Variants in ROBO2 observed in about 807,000 individuals in gnomAD.
ROBO2 encodes the protein roundabout guidance receptor 2.
ROBO2 carries 53 observed loss-of-function variants against 160.8 expected under a neutral mutation model. The ratio of observed to expected loss-of-function variants is 0.33; its 90% CI spans 0.26 to 0.41. The LOEUF (loss-of-function observed/expected upper bound fraction) is 0.41. Among genes scored for constraint, ROBO2 ranks in the 10% least tolerant of loss-of-function variants. ROBO2 has a pLI of 1.00. For missense variants in ROBO2, 1,577 were observed against 1,722.4 expected (o/e 0.92, Z 1.49); for synonymous variants, 664 against 611.7 (o/e 1.09, Z -1.26).
intron 22 of ROBO2, among the ~76,000 whole-genome samples, chr3:77,620,736 G>T (rs2094883553): frequency 6.6e-6 from 1 of 152,304 alleles, no homozygotes; most frequent in African/African-American, 2.4e-5. Context: ...CAAGAAGCCA[G>T]TTGGGAGAGG....
intron 5 of ROBO2, among the ~76,000 whole-genome samples, chr3:77,517,928 T>C (rs1374200967): frequency 2.0e-5 from 3 of 151,538 alleles, no homozygotes; most frequent in African/African-American, 7.3e-5. Context: ...TTCAGGCATC[T>C]ACTAAGAGTC....
chr3:76,577,322 A>G (rs1376293776), intron 2 of ROBO2, among the ~76,000 whole-genome samples: 1 of 152,072 alleles, frequency 6.6e-6, no homozygotes, highest in Non-Finnish European at 1.5e-5. Context: ...TTTATCCTCC[A>G]TACCCAGCTC....
At chr3:76,836,668 CA>C (rs2067720852) in intron 2 of ROBO2, among the ~76,000 whole-genome samples, 1 of 151,392 alleles carries the variant, frequency 6.6e-6, no homozygotes, top group African/African-American at 2.4e-5. Context: ...ATTTAATTTT[CA>C]AATATTTGGG....
chr3:77,560,744 A>G (rs1032715272), intron 9 of ROBO2, among the ~76,000 whole-genome samples: 4 of 152,170 alleles, frequency 2.6e-5, no homozygotes, highest in Non-Finnish European at 5.9e-5. Context: ...TCATACTTGT[A>G]TCTCCACACA....
chr3:76,435,955 C>G (rs1463462522), intron 2 of ROBO2, among the ~76,000 whole-genome samples: 2 of 152,102 alleles, frequency 1.3e-5, no homozygotes, highest in African/African-American at 4.8e-5. Flanking sequence ...ATCTAGCATT[C>G]CATGCAAAAT....
chr3:77,375,253 C>T (rs1355671565), intron 2 of ROBO2, among the ~76,000 whole-genome samples: 1 of 152,158 alleles, frequency 6.6e-6, no homozygotes, highest in Non-Finnish European at 1.5e-5. Context: ...TTTCTTGGAG[C>T]CTCTTGTCAT....
At chr3:75,992,276 T>C (rs1322775275) in intron 2 of ROBO2, among the ~76,000 whole-genome samples, 2 of 152,032 alleles carry the variant, frequency 1.3e-5, no homozygotes, top group African/African-American at 4.8e-5. Context: ...AAAAAATGGT[T>C]TCATGGGTGG....
At position 77,066,511 on chromosome 3, in the gene ROBO2, T is replaced by C. The variant is rs149139782; in HGVS notation, c.61+25665T>C. ...TGTGTTATCAATTAGAAAAATTTTG[T>C]TAGACAGCAATCTCTATGTGAAAAA... is the stretch of plus-strand genomic sequence containing the variant. On this transcript the variant is annotated intron_variant, in intron 1 of 25. Transcript: ENST00000461745. Among the ~76,000 whole-genome samples the C allele has an allele frequency of 2.4e-3, 367 of 152,220 alleles. 2 individuals are homozygous for C. Among genetic ancestry groups the C allele is most frequent in the Non-Finnish European group, 3.4e-3 (228 of 67,982 alleles).
intron 2 of ROBO2, among the ~76,000 whole-genome samples, chr3:76,979,593 G>T (rs944806752): frequency 1.2e-4 from 18 of 147,826 alleles, no homozygotes; most frequent in African/African-American, 3.7e-4. Flanking sequence ...GTGTGTGTGT[G>T]GTGTGTGTGT....
At chr3:76,313,054 A>T (rs190321765) in intron 2 of ROBO2, among the ~76,000 whole-genome samples, 3 of 152,372 alleles carry the variant, frequency 2.0e-5, no homozygotes, top group African/African-American at 7.2e-5. Context: ...CTGCTGTGTG[A>T]TGATGATACA....
intron 21 of ROBO2, among the ~76,000 whole-genome samples, chr3:77,615,816 A>G (rs1156529707): frequency 1.3e-5 from 2 of 152,236 alleles, no homozygotes; most frequent in Non-Finnish European, 2.9e-5. Flanking sequence ...AAGTTTTATG[A>G]TAAATTCAGC....
intron 23 of ROBO2, 49 bp from the exon 25 acceptor site, chr3:77,634,821 G>A (rs1230565585): frequency 1.9e-6 from 3 of 1,550,926 alleles, no homozygotes; most frequent in Non-Finnish European, 2.7e-6. Context: ...CAGAATCAGT[G>A]TGCTATAATG....
intron 2 of ROBO2, among the ~76,000 whole-genome samples, chr3:77,154,567 A>C (rs2077822732): frequency 6.6e-6 from 1 of 152,086 alleles, no homozygotes. Context: ...AGGCGCATGC[A>C]CTGGCAAGTT....
At position 77,283,525 on chromosome 3, in the gene ROBO2, A is replaced by G. The variant is rs148391655; in HGVS notation, c.388+185185A>G. On this transcript the variant is annotated intron_variant, in intron 2 of 25. Transcript: ENST00000461745. ...AAGGCACATTTTTATCTCTAAAATA[A>G]GAGTATACATACCAACTACTCTTTA... Among the ~76,000 whole-genome samples the G allele has an allele frequency of 4.6e-3, 695 of 152,344 alleles. 9 individuals are homozygous for G. The highest frequency in any genetic ancestry group is 0.016 in the African/African-American group (658 of 41,570).
chr3:77,358,266 G>A (rs2069415631), intron 2 of ROBO2, among the ~76,000 whole-genome samples: 1 of 152,112 alleles, frequency 6.6e-6, no homozygotes. Context: ...GTCAATCCTT[G>A]TCCCTCAACT....
chr3:76,699,896 T>C (rs1215646527), intron 2 of ROBO2, among the ~76,000 whole-genome samples: 2 of 152,146 alleles, frequency 1.3e-5, no homozygotes, highest in Non-Finnish European at 2.9e-5. Context: ...TGTAACACTA[T>C]GGATATTGCT....
chr3:77,617,642 T>C, exon 22 of ROBO2: 1 of 1,614,182 alleles, frequency 6.2e-7, no homozygotes, highest in Non-Finnish European at 8.5e-7. Flanking sequence ...CTTCTTCTCC[T>C]GCTATCTCCT....
intron 1 of ROBO2, among the ~76,000 whole-genome samples, chr3:77,082,764 T>C (rs1233219990): frequency 6.6e-6 from 1 of 151,964 alleles, no homozygotes; most frequent in Non-Finnish European, 1.5e-5. Context: ...TATGTACAAA[T>C]GTACTTGTGA....
At chr3:76,043,708 C>T (rs2067358631) in intron 2 of ROBO2, among the ~76,000 whole-genome samples, 1 of 150,730 alleles carries the variant, frequency 6.6e-6, no homozygotes, top group Non-Finnish European at 1.5e-5. Context: ...CTCTTTATGA[C>T]CAACCATAGT....
Sources: allele counts gnomAD v4.1 joint callset (sites outside exome capture counted in the v4.1 genomes callset), GRCh38; gene constraint gnomAD v4.1.1; transcripts MANE v1.5; gene names NCBI Gene and HGNC (gene_info 2026-07-23, HGNC 2026-07-21).